Variants in SLC16A14 observed in about 807,000 individuals in gnomAD.
SLC16A14 encodes the protein solute carrier family 16 member 14.
SLC16A14 carries 14 observed loss-of-function variants against 35.8 expected under a neutral mutation model. That is an observed-to-expected ratio of 0.39 (90% CI 0.26 to 0.61). The LOEUF is 0.61. Among genes scored for constraint, SLC16A14 ranks in the 20% least tolerant of loss-of-function variants. The pLI is 0.51. For synonymous variants in SLC16A14, 248 were observed against 258.9 expected, an observed-to-expected ratio of 0.96 and a Z score of 0.40; for missense variants, 533 against 655.0, an observed-to-expected ratio of 0.81 and a Z score of 2.03.
rs960230989 is a variant in SLC16A14, at chr2:230,049,646, G to A, written c.403+115C>T. ...TAGGGAGGGGTTGGGGTGAAGTGGGGGGGAGGAAACAGAACAGAATGTTTT... is the reference window on the plus strand; with the variant it reads ...TAGGGAGGGGTTGGGGTGAAGTGGGAGGGAGGAAACAGAACAGAATGTTTT... On this transcript the variant is annotated intron_variant, in intron 3 of 4. Transcript: ENST00000295190. 25 of 1,104,046 alleles carry A rather than the reference G, an allele frequency of 2.3e-5. 1 individual carries two copies. Among genetic ancestry groups the A allele is most frequent in the Admixed American group, 4.7e-5 (2 of 42,616 alleles). 68.4% of individuals were successfully genotyped at this position (1,104,046 alleles called of 1,614,324 possible).
chr2:230,050,450 A>G (rs373732845), intron 2 of SLC16A14, among the ~76,000 whole-genome samples: 1 of 152,226 alleles, frequency 6.6e-6, no homozygotes, highest in Non-Finnish European at 1.5e-5. Context: ...CTTCTTTCCA[A>G]ATAGAAAGAC....
chr2:230,060,564 G>A (rs58140882), intron 1 of SLC16A14, among the ~76,000 whole-genome samples: 41,362 of 151,844 alleles, frequency 0.27, 6,084 homozygotes, highest in African/African-American at 0.34. Context: ...ATCTCACTAT[G>A]TTGCCCAAGC....
intron 4 of SLC16A14, 146 bp downstream of exon 4, chr2:230,045,599 T>C (rs1251555043): frequency 2.3e-6 from 2 of 879,608 alleles, no homozygotes; most frequent in Non-Finnish European, 3.5e-6. Context: ...CTTGCTAAAA[T>C]GTATAAATGA....
intron 4 of SLC16A14, among the ~76,000 whole-genome samples, chr2:230,040,338 G>C (rs953336986): frequency 1.3e-5 from 2 of 151,994 alleles, no homozygotes; most frequent in African/African-American, 4.8e-5. Context: ...TCCTGCCTCA[G>C]CCTCCCGAGT....
Position 230,037,342 on chromosome 2 carries a change from A to C in SLC16A14, c.*38T>G. 1 of 1,534,856 alleles carries C rather than the reference A, an allele frequency of 6.5e-7. No individual in the cohort carries two copies. The highest frequency in any genetic ancestry group is 8.7e-7 in the Non-Finnish European group (1 of 1,143,726). On this transcript the variant is annotated 3_prime_UTR_variant, in exon 5 of 5. Coordinates refer to ENST00000295190, the MANE Select transcript of SLC16A14 (RefSeq NM_152527.5). Reference sequence around the variant, plus strand: ...ACAGCAACCATGCGAGGTAGGCATGAGTATTACAATGAAACCTACACGGAA... The same window carrying C: ...ACAGCAACCATGCGAGGTAGGCATGCGTATTACAATGAAACCTACACGGAA...
At chr2:230,037,971 A>C (rs1015583843) in intron 4 of SLC16A14, among the ~76,000 whole-genome samples, 2 of 152,246 alleles carry the variant, frequency 1.3e-5, no homozygotes, top group Non-Finnish European at 2.9e-5. Context: ...TGAAGTTTTT[A>C]GTGTGTATCA....
chr2:230,065,849 G>A (rs956185790), intron 1 of SLC16A14, among the ~76,000 whole-genome samples: 1 of 151,984 alleles, frequency 6.6e-6, no homozygotes, highest in Non-Finnish European at 1.5e-5. Flanking sequence ...ACCTGGAGAG[G>A]GAGAACTTAG....
rs898417801 is a variant in SLC16A14 at position 230,049,839 on chromosome 2, C to T, written c.325G>A (p.Val109Ile). ...CTCAACACCCAGCCCAGGGAGTTGA[C>T]GAGCCCTCCAATGATCGCAGTCTGG... ...CRQTAIIGGL[V>I]NSLGWVLSAY... The change falls in exon 3 of 5, where the codon GTC becomes ATC. Residue 109 changes from valine (V) to isoleucine (I), a missense_variant. Transcript: ENST00000295190. The T allele has an allele frequency of 8.7e-6, 14 of 1,614,106 alleles. No individual in the cohort carries two copies. The highest frequency in any genetic ancestry group is 1.1e-5 in the South Asian group (1 of 91,080).
intron 1 of SLC16A14, among the ~76,000 whole-genome samples, chr2:230,066,388 G>A (rs1294349222): frequency 1.3e-5 from 2 of 152,108 alleles, no homozygotes; most frequent in African/African-American, 4.8e-5. Flanking sequence ...TCGTTATGAA[G>A]AGGGTGAAAT....
chr2:230,067,111 T>G (rs998609057), intron 1 of SLC16A14: 1 of 159,486 alleles, frequency 6.3e-6, no homozygotes, highest in Non-Finnish European at 1.4e-5. Context: ...TTAATTCTGC[T>G]CTGCAGGCGC....
chr2:230,057,760 C>T (rs894951528), intron 2 of SLC16A14, among the ~76,000 whole-genome samples: 3 of 152,116 alleles, frequency 2.0e-5, no homozygotes, highest in Non-Finnish European at 4.4e-5. Flanking sequence ...GGCATGGTGG[C>T]TCATGCCTGT....
At chr2:230,042,256 G>C (rs1288644384) in intron 4 of SLC16A14, among the ~76,000 whole-genome samples, 1 of 152,186 alleles carries the variant, frequency 6.6e-6, no homozygotes, top group African/African-American at 2.4e-5. Context: ...GCAGTCAAGA[G>C]ATAAGACCTG....
intron 1 of SLC16A14, among the ~76,000 whole-genome samples, chr2:230,067,703 T>G (rs552303524): frequency 6.6e-6 from 1 of 152,262 alleles, no homozygotes; most frequent in African/African-American, 2.4e-5. Flanking sequence ...CAACTTTTCC[T>G]CAGAAAGAAA....
Position 230,046,736 on chromosome 2 carries a change from C to G in SLC16A14, c.404-14G>C, listed in dbSNP as rs1050254434. ...CGCTGCCCAGGCCTGTACAGGCCGA[C>G]GGGGGGAAGAAAAGACACAGTGCAA... is the stretch of plus-strand genomic sequence containing the variant. On this transcript the variant is annotated splice_polypyrimidine_tract_variant and intron_variant, in intron 3 of 4. Coordinates refer to ENST00000295190, the MANE Select transcript of SLC16A14 (RefSeq NM_152527.5). The surrounding 1 kb of genome is among the most constrained non-coding windows in gnomAD (Gnocchi z 5.0). 5.7e-6 allele frequency: 9 copies of G among 1,570,814 alleles called. No homozygotes were observed. The highest frequency in any genetic ancestry group is 7.7e-6 in the Non-Finnish European group (9 of 1,163,240).
chr2:230,067,167 G>C (rs1448527346), intron 1 of SLC16A14: 4 of 153,818 alleles, frequency 2.6e-5, no homozygotes, highest in African/African-American at 9.6e-5. Flanking sequence ...GGGGCCTTTA[G>C]AGGGCGCACT....
chr2:230,042,148 G>A (rs781337561), intron 4 of SLC16A14, among the ~76,000 whole-genome samples: 19 of 152,172 alleles, frequency 1.2e-4, no homozygotes, highest in Non-Finnish European at 2.5e-4. Context: ...CATATGATAC[G>A]CATCATTGAA....
At chr2:230,061,929 A>G (rs755373188) in intron 1 of SLC16A14, among the ~76,000 whole-genome samples, 2 of 151,928 alleles carry the variant, frequency 1.3e-5, no homozygotes, top group African/African-American at 4.8e-5. Flanking sequence ...TTTATTAGAG[A>G]CGGGGTTTCG....
intron 4 of SLC16A14, among the ~76,000 whole-genome samples, chr2:230,042,840 G>A (rs1278955852): frequency 6.6e-6 from 1 of 152,172 alleles, no homozygotes; most frequent in Non-Finnish European, 1.5e-5. Flanking sequence ...TGCTGGGACT[G>A]AGCCTTTCCC....
Position 230,068,863 on chromosome 2 carries a change from T to C in SLC16A14, c.-323A>G, listed in dbSNP as rs2077827122. 1 of 152,346 alleles carries C rather than the reference T, an allele frequency of 6.6e-6. No individual in the cohort carries two copies. The highest frequency in any genetic ancestry group is 1.5e-5 in the Non-Finnish European group (1 of 68,078). The allele number at this position is 152,346 out of a possible 1,614,324, so 9.4% of individuals were successfully genotyped here. ...GGAGGTGCCCAAACCTAACCTGGGC[T>C]TCCTTCCAATCGGAGCAATTTCAAA... On this transcript the variant is annotated 5_prime_UTR_variant, in exon 1 of 5. Coordinates refer to ENST00000295190, the MANE Select transcript of SLC16A14 (RefSeq NM_152527.5). This position sits in a 1 kb window ranked among gnomAD's most constrained non-coding sequence, Gnocchi z 5.1.
Sources: allele counts gnomAD v4.1 joint callset (sites outside exome capture counted in the v4.1 genomes callset), GRCh38; gene constraint gnomAD v4.1.1; non-coding constraint Gnocchi (gnomAD v3.1); transcripts MANE v1.5; gene names NCBI Gene and HGNC (gene_info 2026-07-23, HGNC 2026-07-21).